EML4: variants seen among roughly 807,000 people sequenced by gnomAD.
The protein encoded by EML4 is echinoderm microtubule-associated protein-like 4.
In EML4, 72 loss-of-function variants were observed where a neutral mutation model predicts 129.0. The ratio of observed to expected loss-of-function variants is 0.56; its 90% CI spans 0.46 to 0.68. The LOEUF (loss-of-function observed/expected upper bound fraction) is 0.68, where lower values mean the gene tolerates loss of function less well. EML4 is among the 30% of genes least tolerant of loss of function. EML4 has a pLI of 0.00. For synonymous variants in EML4, 532 were observed against 405.0 expected (o/e 1.31, Z -3.77); for missense variants, 1,363 against 1,190.6 (o/e 1.14, Z -2.13).
chr2:42,227,603 A>T (rs1674053247), intron 1 of EML4, among the ~76,000 whole-genome samples: 1 of 152,016 alleles, frequency 6.6e-6, no homozygotes, highest in Non-Finnish European at 1.5e-5. Context: ...TGACCCTTGA[A>T]CAACACAGGT....
chr2:42,267,900 G>A (rs189072480), intron 6 of EML4, among the ~76,000 whole-genome samples: 1 of 152,254 alleles, frequency 6.6e-6, no homozygotes, highest in Non-Finnish European at 1.5e-5. Flanking sequence ...GTTCCATGTA[G>A]GACTATCTAT....
intron 14 of EML4, 126 bp downstream of exon 14, chr2:42,301,518 A>G: frequency 1.3e-6 from 1 of 755,502 alleles, no homozygotes; most frequent in Non-Finnish European, 1.9e-6. Context: ...TCCTTTCCTC[A>G]AGAAAGGAGT....
intron 1 of EML4, among the ~76,000 whole-genome samples, chr2:42,207,728 G>A (rs189820201): frequency 2.7e-4 from 41 of 152,280 alleles, no homozygotes; most frequent in Non-Finnish European, 4.6e-4. Flanking sequence ...ACTCAGTTCT[G>A]ATTGGTTGAA....
intron 1 of EML4, among the ~76,000 whole-genome samples, chr2:42,225,462 G>A (rs1037678217): frequency 6.6e-6 from 1 of 151,870 alleles, no homozygotes; most frequent in South Asian, 2.1e-4. Context: ...TAATTTTTTT[G>A]CCTACTTCTG....
chr2:42,295,774 T>C (rs1263063221), intron 13 of EML4, among the ~76,000 whole-genome samples: 1 of 152,198 alleles, frequency 6.6e-6, no homozygotes, highest in Non-Finnish European at 1.5e-5. Context: ...AGAAATGATA[T>C]GGATATATGT....
intron 1 of EML4, among the ~76,000 whole-genome samples, chr2:42,241,389 A>G (rs1416012264): frequency 6.6e-6 from 1 of 152,186 alleles, no homozygotes; most frequent in Non-Finnish European, 1.5e-5. Context: ...GTAATTGATC[A>G]TCCAAGTCAG....
chr2:42,194,351 T>C (rs1393247678), intron 1 of EML4, among the ~76,000 whole-genome samples: 1 of 151,110 alleles, frequency 6.6e-6, no homozygotes, highest in African/African-American at 2.4e-5. Context: ...CTCTCTCTTT[T>C]TTTTTTTTTT....
chr2:42,307,860 G>T (rs903709997), intron 17 of EML4, among the ~76,000 whole-genome samples: 1 of 152,144 alleles, frequency 6.6e-6, no homozygotes, highest in African/African-American at 2.4e-5. Context: ...TCGCCATGTT[G>T]GCCAGGCTGG....
intron 9 of EML4, among the ~76,000 whole-genome samples, chr2:42,285,715 C>T (rs1227407788): frequency 6.6e-6 from 1 of 151,896 alleles, no homozygotes; most frequent in East Asian, 1.9e-4. Flanking sequence ...TCACCTGCCT[C>T]AGCCTCCTGA....
intron 1 of EML4, among the ~76,000 whole-genome samples, chr2:42,218,441 C>A (rs1276930110): frequency 6.6e-6 from 1 of 152,068 alleles, no homozygotes; most frequent in Non-Finnish European, 1.5e-5. Flanking sequence ...TCCCAGCCCT[C>A]CCCCGCTGCC....
At chr2:42,265,233 C>T (rs954979895) in intron 6 of EML4, among the ~76,000 whole-genome samples, 2 of 152,112 alleles carry the variant, frequency 1.3e-5, no homozygotes, top group South Asian at 4.1e-4. Context: ...CTATAGGCAC[C>T]ACCACACCCG....
intron 2 of EML4, among the ~76,000 whole-genome samples, chr2:42,246,532 A>G (rs1240540132): frequency 3.3e-5 from 5 of 152,216 alleles, no homozygotes; most frequent in Non-Finnish European, 7.3e-5. Context: ...GCAGTCAGCC[A>G]ACCAGCAAAT....
chr2:42,329,960 C>T lies in EML4; in HGVS notation c.2699C>T (p.Pro900Leu), dbSNP rs201541248. The change falls in exon 23 of 23, where the codon CCG becomes CTG. Residue 900 changes from proline (P) to leucine (L), a missense_variant. Pro to Leu is a moderately conservative substitution (Grantham distance 98, BLOSUM62 -3). Coordinates refer to ENST00000318522, the MANE Select transcript of EML4 (RefSeq NM_019063.5). ...GTCATCCAATCTAATACTCCCACAC[C>T]GCCTCCTTCTCAGCCCTTAAATGAG... The part of the protein sequence containing the change: ...ESVIQSNTPT[P>L]PPSQPLNETA... The T allele has an allele frequency of 3.8e-5, 62 of 1,613,944 alleles. No homozygotes were observed. Among genetic ancestry groups the T allele is most frequent in the Admixed American group, 1.8e-4 (11 of 59,980 alleles).
chr2:42,272,222 G>A (rs945300461), intron 6 of EML4, among the ~76,000 whole-genome samples: 8 of 152,042 alleles, frequency 5.3e-5, no homozygotes, highest in Non-Finnish European at 8.8e-5. Context: ...GAAGAGTTGC[G>A]GTTGATCAGT....
In EML4 at chr2:42,177,530, G is replaced by A. The variant is rs545658403; in HGVS notation, c.25+7894G>A. ...CCCAGATACTCGAGAGGCTGAGGTG[G>A]GAGGATTGCTGGAGCCTGGGAGGTG... On this transcript the variant is annotated intron_variant, in intron 1 of 22. Transcript: ENST00000318522. Among the ~76,000 whole-genome samples the A allele has an allele frequency of 5.3e-5, 8 of 152,226 alleles. No individual in the cohort carries two copies. In the South Asian group the frequency reaches 1.7e-3, roughly 32 times the overall value.
At position 42,231,358 on chromosome 2, in the gene EML4, G is replaced by C. The variant is rs1415025188; in HGVS notation, c.26-14147G>C. On this transcript the variant is annotated intron_variant, in intron 1 of 22. Coordinates refer to ENST00000318522, the MANE Select transcript of EML4 (RefSeq NM_019063.5). ...TCAATTCTCACAACTCCAGTTATCA[G>C]ATATGTCCTAATAAAGCTCCGAAGT... Among the ~76,000 whole-genome samples the C allele has an allele frequency of 3.9e-5, 6 of 152,156 alleles. No homozygotes were observed. In the East Asian group the frequency reaches 9.6e-4, roughly 24 times the overall value.
intron 1 of EML4, among the ~76,000 whole-genome samples, chr2:42,181,779 C>T (rs1339885535): frequency 6.6e-6 from 1 of 152,048 alleles, no homozygotes. Flanking sequence ...TCATCTTGTG[C>T]CCTTTTTGCT....
intron 13 of EML4, among the ~76,000 whole-genome samples, chr2:42,296,499 G>C (rs1238681311): frequency 7.6e-6 from 1 of 131,814 alleles, no homozygotes; most frequent in Non-Finnish European, 1.7e-5. Flanking sequence ...CTCTCTCTCT[G>C]GAGTCCTTGC....
In EML4 at chr2:42,181,866, A is replaced by G. The variant is rs6734227; in HGVS notation, c.25+12230A>G. Among the ~76,000 whole-genome samples, 180 of 152,278 alleles carry G rather than the reference A, an allele frequency of 1.2e-3. 2 individuals carry two copies. Among genetic ancestry groups the G allele is most frequent in the African/African-American group, 4.0e-3 (167 of 41,552 alleles). On this transcript the variant is annotated intron_variant, in intron 1 of 22. Transcript: ENST00000318522. ...GAAAGGTATTTAGAAACCAAGCTCT[A>G]TGTGCTAGTTGTGTTCAGTGCTGCT...
Sources: allele counts gnomAD v4.1 joint callset (sites outside exome capture counted in the v4.1 genomes callset), GRCh38; gene constraint gnomAD v4.1.1; transcripts MANE v1.5; gene names NCBI Gene and HGNC (gene_info 2026-07-23, HGNC 2026-07-21).